SCYL2: variants seen among roughly 807,000 people sequenced by gnomAD.
SCYL2 encodes SCY1-like protein 2.
SCYL2 carries 36 observed loss-of-function variants against 100.4 expected under a neutral mutation model. The observed-to-expected ratio is 0.36, with a 90% CI of 0.27 to 0.47. SCYL2 has a LOEUF of 0.47. Ranked by LOEUF, SCYL2 falls within the 20% of genes least tolerant of loss-of-function variation. SCYL2 has a pLI of 1.00. For missense variants in SCYL2, 902 were observed against 1,083.9 expected, an observed-to-expected ratio of 0.83 and a Z score of 2.36; for synonymous variants, 330 against 359.2, an observed-to-expected ratio of 0.92 and a Z score of 0.92.
Position 100,295,425 on chromosome 12 carries a change from C to T in SCYL2, c.336-2606C>T, listed in dbSNP as rs28436723. ...GGGGCACCATTGAGCACTGAGTGAA[C>T]GAGACTCCGTCTGCAATCCCGGCAC... On this transcript the variant is annotated intron_variant, in intron 3 of 17. Coordinates refer to ENST00000360820, the MANE Select transcript of SCYL2 (RefSeq NM_017988.6). Among the ~76,000 whole-genome samples, 89 of 152,318 alleles carry T rather than the reference C, an allele frequency of 5.8e-4. No individual in the cohort carries two copies. The East Asian group carries it at 0.016, about 27-fold the overall frequency.
chr12:100,293,630 C>T (rs1192002137), intron 3 of SCYL2, among the ~76,000 whole-genome samples: 1 of 151,502 alleles, frequency 6.6e-6, no homozygotes, highest in Non-Finnish European at 1.5e-5. Context: ...AGCAGCTAAA[C>T]AAGTGAACAA....
chr12:100,267,623 G>C lies in SCYL2; in HGVS notation c.-198G>C, dbSNP rs1467159285. 6.6e-6 allele frequency: 1 copy of C among 152,370 alleles called. No homozygotes were observed. The allele number at this position is 152,370 out of a possible 1,614,324, so 9.4% of individuals were successfully genotyped here. A position where few individuals can be genotyped will look rare whatever the true frequency, so the allele number is the denominator to read the frequency against. Reference sequence around the variant, plus strand: ...GGCTGGACGAGCAGCGAGCTCCGGGGAGCGGATCCGAGAGGGCCGAGTCCT... The same window carrying C: ...GGCTGGACGAGCAGCGAGCTCCGGGCAGCGGATCCGAGAGGGCCGAGTCCT... On this transcript the variant is annotated 5_prime_UTR_variant, in exon 1 of 18. Transcript: ENST00000360820.
At chr12:100,327,236 T>C (rs761301482) in intron 12 of SCYL2, 16 of 357,572 alleles carry the variant, frequency 4.5e-5, no homozygotes, top group Middle Eastern at 8.5e-4. Context: ...ATATAAGTGG[T>C]AAGTGATAGG....
At chr12:100,316,851 C>T (rs1012595811) in intron 9 of SCYL2, among the ~76,000 whole-genome samples, 5 of 152,172 alleles carry the variant, frequency 3.3e-5, no homozygotes, top group Non-Finnish European at 7.4e-5. Context: ...CTTGTAATCC[C>T]AGTTCTTTGT....
intron 10 of SCYL2, among the ~76,000 whole-genome samples, chr12:100,320,549 A>AAAATAAAT (rs10644195): frequency 0.061 from 8,566 of 139,700 alleles, 309 homozygotes; most frequent in East Asian, 0.14. Context: ...CTCCGTCTCA[A>AAAATAAAT]AAATAAATAA....
At chr12:100,289,567 C>T (rs1216274180) in intron 2 of SCYL2, among the ~76,000 whole-genome samples, 1 of 152,146 alleles carries the variant, frequency 6.6e-6, no homozygotes, top group East Asian at 1.9e-4. Flanking sequence ...GACTTGGGAA[C>T]CTCTTTATTT....
At chr12:100,337,093 A>G (rs1952287425) in intron 16 of SCYL2, among the ~76,000 whole-genome samples, 1 of 152,186 alleles carries the variant, frequency 6.6e-6, no homozygotes, top group African/African-American at 2.4e-5. Flanking sequence ...ATTTTCAAGA[A>G]TGAAATCACT....
chr12:100,310,750 A>C lies in SCYL2; in HGVS notation c.481-294A>C, dbSNP rs575187004. 1.4e-4 allele frequency among the ~76,000 whole-genome samples: 21 copies of C among 152,342 alleles called. No individual in the cohort carries two copies. The South Asian group carries it at 3.7e-3, about 27-fold the overall frequency. ...ACTTTTCAAACTCAGGAACTGAATAAATTTGGACATCAAAGGATTCTTTAT... is the reference window on the plus strand; with the variant it reads ...ACTTTTCAAACTCAGGAACTGAATACATTTGGACATCAAAGGATTCTTTAT... On this transcript the variant is annotated intron_variant, in intron 4 of 17. Transcript: ENST00000360820.
chr12:100,316,908 C>T (rs1364612317), intron 9 of SCYL2, among the ~76,000 whole-genome samples: 2 of 152,114 alleles, frequency 1.3e-5, no homozygotes, highest in African/African-American at 2.4e-5. Context: ...TCAAGACCAG[C>T]CTGGGCAACA....
At chr12:100,294,084 C>T (rs1308675727) in intron 3 of SCYL2, among the ~76,000 whole-genome samples, 1 of 150,220 alleles carries the variant, frequency 6.7e-6, no homozygotes, top group Non-Finnish European at 1.5e-5. Context: ...AGAGGGGCTC[C>T]TCACTTCCCA....
intron 1 of SCYL2, among the ~76,000 whole-genome samples, chr12:100,269,265 T>C (rs181369966): frequency 1.8e-4 from 27 of 152,208 alleles, no homozygotes; most frequent in Admixed American, 1.1e-3. Flanking sequence ...TTTTCTGTTC[T>C]CCTGCTTCAA....
chr12:100,283,255 C>G, intron 2 of SCYL2, 108 bp downstream of exon 2: 1 of 863,472 alleles, frequency 1.2e-6, no homozygotes, highest in Admixed American at 2.7e-5. Context: ...TTAATAGGTT[C>G]TTAAATGGGT....
chr12:100,279,040 A>G (rs1288158767), intron 1 of SCYL2, among the ~76,000 whole-genome samples: 3 of 152,214 alleles, frequency 2.0e-5, no homozygotes, highest in Admixed American at 6.5e-5. Flanking sequence ...ATATCTATGT[A>G]TGGGTTTCTT....
At chr12:100,284,426 G>A (rs1316428368) in intron 2 of SCYL2, among the ~76,000 whole-genome samples, 1 of 152,150 alleles carries the variant, frequency 6.6e-6, no homozygotes, top group African/African-American at 2.4e-5. Context: ...GTGGATATAG[G>A]TTCAAATTTT....
chr12:100,336,795 A>T (rs1360098212), intron 16 of SCYL2, among the ~76,000 whole-genome samples: 1 of 152,114 alleles, frequency 6.6e-6, no homozygotes, highest in Non-Finnish European at 1.5e-5. Flanking sequence ...CAATAAAAAA[A>T]CTTTAAGTCA....
At chr12:100,296,756 T>TA (rs2096321251) in intron 3 of SCYL2, 1 of 152,014 alleles carries the variant, frequency 6.6e-6, no homozygotes, top group Non-Finnish European at 1.5e-5. Flanking sequence ...TTTTTTTTTT[T>TA]AACAGTACAG....
At chr12:100,305,310 G>C (rs1450989030) in intron 4 of SCYL2, among the ~76,000 whole-genome samples, 3 of 152,188 alleles carry the variant, frequency 2.0e-5, no homozygotes, top group Admixed American at 1.3e-4. Flanking sequence ...CAGTCTCTCA[G>C]ACCACAGTGC....
intron 4 of SCYL2, among the ~76,000 whole-genome samples, chr12:100,301,590 T>C (rs1442704754): frequency 6.6e-6 from 1 of 152,266 alleles, no homozygotes; most frequent in African/African-American, 2.4e-5. Context: ...GTGTATTCTG[T>C]AGCCATTGGT....
chr12:100,340,302 C>T lies in SCYL2; in HGVS notation c.*1130C>T, dbSNP rs1017502734. The T allele has an allele frequency of 1.3e-5, 2 of 152,270 alleles. No homozygotes were observed. Among genetic ancestry groups the T allele is most frequent in the African/African-American group, 4.8e-5 (2 of 41,424 alleles). The allele number at this position is 152,270 out of a possible 1,614,324, so 9.4% of individuals were successfully genotyped here. A position where few individuals can be genotyped will look rare whatever the true frequency, so the allele number is the denominator to read the frequency against. On this transcript the variant is annotated 3_prime_UTR_variant, in exon 18 of 18. Coordinates refer to ENST00000360820, the MANE Select transcript of SCYL2 (RefSeq NM_017988.6). Reference sequence around the variant, plus strand: ...TAGCCATTTTTAGGAAGGAAAGAATCAATTCTCTTAACAGGAAACATGCTT... The same window carrying T: ...TAGCCATTTTTAGGAAGGAAAGAATTAATTCTCTTAACAGGAAACATGCTT...
Sources: gnomAD v4.1 joint callset for allele counts (sites outside exome capture counted in the v4.1 genomes callset) on GRCh38, gnomAD v4.1.1 for gene constraint, MANE v1.5 for transcripts, NCBI Gene and HGNC (gene_info 2026-07-23, HGNC 2026-07-21) for gene names.